PIGN: variants seen among roughly 807,000 people sequenced by gnomAD.
The protein encoded by PIGN is phosphatidylinositol glycan anchor biosynthesis class N, also known as GPI ethanolamine phosphate transferase 1.
A neutral mutation model predicts 125.4 loss-of-function variants in PIGN; 117 were observed. That is an observed-to-expected ratio of 0.93 (90% CI 0.80 to 1.09). The LOEUF (loss-of-function observed/expected upper bound fraction) is 1.09, where lower values mean the gene tolerates loss of function less well. Ranked by LOEUF, PIGN falls within the 50% of genes least tolerant of loss-of-function variation. The pLI is 0.00. For missense variants in PIGN, 1,075 were observed against 1,094.9 expected (o/e 0.98, Z 0.26); for synonymous variants, 392 against 377.8 (o/e 1.04, Z -0.44).
chr18:62,170,002 A>T (rs1008333831), intron 1 of PIGN, among the ~76,000 whole-genome samples: 1 of 152,212 alleles, frequency 6.6e-6, no homozygotes, highest in Non-Finnish European at 1.5e-5. Flanking sequence ...CCAGCAATAT[A>T]TGAGAGTTTC....
intron 11 of PIGN, among the ~76,000 whole-genome samples, chr18:62,141,802 G>T (rs2036145967): frequency 1.3e-5 from 2 of 152,174 alleles, no homozygotes; most frequent in African/African-American, 4.8e-5. Context: ...CCCTGAAGGG[G>T]CTGCGCCTCC....
At chr18:62,182,307 C>T (rs4941119) in intron 1 of PIGN, among the ~76,000 whole-genome samples, 8 of 141,528 alleles carry the variant, frequency 5.7e-5, no homozygotes, top group Non-Finnish European at 1.1e-4. Flanking sequence ...TATAAATCTA[C>T]ATGGACGTTT....
At chr18:62,150,477 GAGA>G (rs772562077) in intron 7 of PIGN, among the ~76,000 whole-genome samples, 3 of 152,170 alleles carry the variant, frequency 2.0e-5, no homozygotes, top group Admixed American at 6.5e-5. Context: ...AGACCTAATA[GAGA>G]AGAAGATGCA....
chr18:62,167,265 T>G (rs2037173560), intron 1 of PIGN, among the ~76,000 whole-genome samples: 2 of 145,366 alleles, frequency 1.4e-5, no homozygotes, highest in Admixed American at 6.9e-5. Flanking sequence ...TATATATAGA[T>G]AGAGATATAT....
intron 14 of PIGN, among the ~76,000 whole-genome samples, chr18:62,116,032 A>C (rs967890810): frequency 6.6e-6 from 1 of 152,186 alleles, no homozygotes; most frequent in African/African-American, 2.4e-5. Context: ...CTGGGTTCTC[A>C]TGTTGCAGAC....
At chr18:62,112,239 T>C (rs1410676478) in intron 16 of PIGN, among the ~76,000 whole-genome samples, 1 of 152,188 alleles carries the variant, frequency 6.6e-6, no homozygotes, top group African/African-American at 2.4e-5. Flanking sequence ...TAAAGCATTA[T>C]ACAAAATTAT....
At chr18:62,098,990 G>A (rs1318672895) in intron 22 of PIGN, among the ~76,000 whole-genome samples, 1 of 149,674 alleles carries the variant, frequency 6.7e-6, no homozygotes, top group Non-Finnish European at 1.5e-5. Flanking sequence ...TACAACATAA[G>A]ATTTGACAGA....
intron 20 of PIGN, 23 bp downstream of exon 20, chr18:62,105,520 A>G (rs1568179847): frequency 7.4e-7 from 1 of 1,342,872 alleles, no homozygotes; most frequent in Non-Finnish European, 1.0e-6. Flanking sequence ...TGAAAATAGA[A>G]TAAAATACAA....
At chr18:62,089,471 G>A (rs570007669) in intron 24 of PIGN, among the ~76,000 whole-genome samples, 2 of 152,202 alleles carry the variant, frequency 1.3e-5, no homozygotes, top group Non-Finnish European at 1.5e-5. Flanking sequence ...TTCTTGGGAT[G>A]TTTTAATACT....
chr18:62,145,164 G>T (rs1020820373), intron 10 of PIGN, among the ~76,000 whole-genome samples: 5 of 152,006 alleles, frequency 3.3e-5, no homozygotes, highest in Non-Finnish European at 7.4e-5. Flanking sequence ...GAAAGCAGGG[G>T]CTATCTCAAA....
intron 23 of PIGN, among the ~76,000 whole-genome samples, chr18:62,034,265 A>T (rs1190937348): frequency 6.6e-6 from 1 of 152,208 alleles, no homozygotes; most frequent in Non-Finnish European, 1.5e-5. Flanking sequence ...AATAAGTGAG[A>T]CGTGGTCTCA....
intron 1 of PIGN, among the ~76,000 whole-genome samples, chr18:62,186,004 T>A (rs976646052): frequency 1.7e-4 from 26 of 151,302 alleles, no homozygotes; most frequent in African/African-American, 6.3e-4. Context: ...ATAAGAGAAA[T>A]GATGTTAATT....
At chr18:62,058,774 G>A (rs1471519407) in intron 30 of PIGN, 2 of 152,028 alleles carry the variant, frequency 1.3e-5, no homozygotes, top group South Asian at 4.2e-4. Context: ...TACAAATTAT[G>A]CTAGGTTTAG....
rs1050208956 is a variant in PIGN, at chr18:62,054,991, G to C, written c.2673-9012C>G. ...CTATTATGCAAGTTGAAGCCAAAATGAGATATCACTACACACCCACTTGAA... is the reference window on the plus strand; with the variant it reads ...CTATTATGCAAGTTGAAGCCAAAATCAGATATCACTACACACCCACTTGAA... On this transcript the variant is annotated intron_variant, in intron 30 of 30. Transcript: ENST00000640252. Among the ~76,000 whole-genome samples, 50 of 152,262 alleles carry C rather than the reference G, an allele frequency of 3.3e-4. 1 individual carries two copies. Among genetic ancestry groups the C allele is most frequent in the Admixed American group, 8.5e-4 (13 of 15,288 alleles).
At chr18:62,063,703 C>T (rs1055301931) in intron 30 of PIGN, among the ~76,000 whole-genome samples, 18 of 149,590 alleles carry the variant, frequency 1.2e-4, no homozygotes, top group Non-Finnish European at 2.5e-4. Flanking sequence ...TTTAGACAGA[C>T]ATATGAAAAT....
intron 14 of PIGN, among the ~76,000 whole-genome samples, chr18:62,126,179 T>A (rs2035528540): frequency 6.6e-6 from 1 of 152,056 alleles, no homozygotes; most frequent in Non-Finnish European, 1.5e-5. Flanking sequence ...ATTATATATA[T>A]CACAAAATAC....
chr18:62,145,426 T>C (rs1038944360), intron 10 of PIGN, among the ~76,000 whole-genome samples: 9 of 152,178 alleles, frequency 5.9e-5, no homozygotes, highest in African/African-American at 1.9e-4. Context: ...TGCTCTTCTG[T>C]CTTCATTAGG....
At chr18:62,052,197 T>G (rs1392076396) in intron 30 of PIGN, 2 of 151,450 alleles carry the variant, frequency 1.3e-5, no homozygotes, top group Non-Finnish European at 3.0e-5. Flanking sequence ...GGGTGGAGAG[T>G]TCTGTAGATG....
intron 30 of PIGN, among the ~76,000 whole-genome samples, chr18:62,060,672 C>T (rs954882741): frequency 1.3e-5 from 2 of 152,090 alleles, no homozygotes; most frequent in African/African-American, 4.8e-5. Flanking sequence ...GTATAACAAT[C>T]GTGCATGTGA....
Sources: gnomAD v4.1 joint callset for allele counts (sites outside exome capture counted in the v4.1 genomes callset) on GRCh38, gnomAD v4.1.1 for gene constraint, MANE v1.5 for transcripts, NCBI Gene and HGNC (gene_info 2026-07-23, HGNC 2026-07-21) for gene names.